PRDM1: variants seen among roughly 807,000 people sequenced by gnomAD.
PRDM1 encodes PR domain zinc finger protein 1.
In PRDM1, 13 loss-of-function variants were observed where a neutral mutation model predicts 62.8. That is an observed-to-expected ratio of 0.21 (90% CI 0.13 to 0.33). PRDM1 has a LOEUF of 0.33. Ranked by LOEUF, PRDM1 falls within the 10% of genes least tolerant of loss-of-function variation. PRDM1 has a pLI of 1.00. For synonymous variants in PRDM1, 396 were observed against 417.6 expected (o/e 0.95, Z 0.63); for missense variants, 895 against 1,058.8 (o/e 0.85, Z 2.15).
At chr6:106,040,731 T>C (rs1365137072) in intron 1 of PRDM1, among the ~76,000 whole-genome samples, 1 of 152,262 alleles carries the variant, frequency 6.6e-6, no homozygotes, top group African/African-American at 2.4e-5. Context: ...CCCTTTTCAA[T>C]GTTAACAACA....
chr6:105,994,047 G>T lies in PRDM1; in HGVS notation c.-67+408G>T, dbSNP rs9399964. 0.21 allele frequency among the ~76,000 whole-genome samples: 32,714 copies of T among 152,222 alleles called. 4,906 individuals carry two copies. The highest frequency in any genetic ancestry group is 0.44 in the East Asian group (2,292 of 5,178). On this transcript the variant is annotated intron_variant, in intron 1 of 6. Transcript: ENST00000652320. This position sits in a 1 kb window ranked among gnomAD's most constrained non-coding sequence, Gnocchi z 4.1. ...TAAGGTATTTATTTGTACGCTAGTT[G>T]AAGTGGGGCAGGAGCACTGATTCCT...
rs114723066 is a variant in PRDM1 at position 106,054,148 on chromosome 6, T to C, written c.-67+5434T>C. ...TGATGGTGTCATGAGGTAGCTGTCA[T>C]TATTTCATTGCAGCAGGGAAATAGA... On this transcript the variant is annotated intron_variant, in intron 1 of 6. Coordinates refer to the PRDM1 transcript ENST00000651185. Among the ~76,000 whole-genome samples the C allele has an allele frequency of 8.0e-3, 1,216 of 152,258 alleles. 19 individuals carry two copies. The highest frequency in any genetic ancestry group is 0.028 in the African/African-American group (1,173 of 41,544).
chr6:106,018,425 T>C (rs1248501200), intron 1 of PRDM1, among the ~76,000 whole-genome samples: 1 of 152,254 alleles, frequency 6.6e-6, no homozygotes, highest in African/African-American at 2.4e-5. Context: ...TGATGTGTTC[T>C]CATTAACTGA....
chr6:106,023,109 A>C (rs1772718500), intron 1 of PRDM1, among the ~76,000 whole-genome samples: 1 of 152,204 alleles, frequency 6.6e-6, no homozygotes, highest in South Asian at 2.1e-4. Context: ...TGGTGCTTTG[A>C]AATCTGGTAA....
intron 1 of PRDM1, among the ~76,000 whole-genome samples, chr6:106,049,715 C>G (rs1773141424): frequency 6.6e-6 from 1 of 152,228 alleles, no homozygotes; most frequent in East Asian, 1.9e-4. Context: ...CACACAGGTG[C>G]ATTGTACTAT....
At chr6:106,001,042 A>G (rs529824643) in intron 1 of PRDM1, among the ~76,000 whole-genome samples, 34 of 152,322 alleles carry the variant, frequency 2.2e-4, no homozygotes, top group South Asian at 1.2e-3. Context: ...TATTGTCACC[A>G]ACACTTTGAT....
rs1274298673 is a variant in PRDM1, at chr6:106,109,109, A to AG, written c.*1623_*1624insG. The AG allele has an allele frequency of 4.8e-6, 1 of 208,890 alleles. No homozygotes were observed. Among genetic ancestry groups the AG allele is most frequent in the Non-Finnish European group, 9.8e-6 (1 of 102,234 alleles). 12.9% of individuals were successfully genotyped at this position (208,890 alleles called of 1,614,324 possible). Reference sequence around the variant, plus strand: ...CTAAGGGCAAAAAAAAAAAAAAAAAAAAAAGAACACTCCTTTCTGAGACTT... The same window carrying AG: ...CTAAGGGCAAAAAAAAAAAAAAAAAAGAAAAGAACACTCCTTTCTGAGACTT... On this transcript the variant is annotated 3_prime_UTR_variant, in exon 7 of 7. Coordinates refer to ENST00000369096, the MANE Select transcript of PRDM1 (RefSeq NM_001198.4).
At chr6:106,069,396 G>C (rs145835083) in intron 1 of PRDM1, among the ~76,000 whole-genome samples, 1 of 152,030 alleles carries the variant, frequency 6.6e-6, no homozygotes, top group Non-Finnish European at 1.5e-5. Context: ...CCAAAGTGGC[G>C]TTAAGTGTTA....
In PRDM1 at chr6:106,107,514, C is replaced by G. The variant is rs1562176794; in HGVS notation, c.*28C>G. Reference sequence around the variant, plus strand: ...TTTTCAGAAAACACTTATTTTGTTTCTTAAGTTATGACTTGGTGAGTCAGG... The same window carrying G: ...TTTTCAGAAAACACTTATTTTGTTTGTTAAGTTATGACTTGGTGAGTCAGG... On this transcript the variant is annotated 3_prime_UTR_variant, in exon 7 of 7. Transcript: ENST00000369096. 6.4e-7 allele frequency: 1 copy of G among 1,559,696 alleles called. No homozygotes were observed. The highest frequency in any genetic ancestry group is 1.9e-5 in the Admixed American group (1 of 53,024).
chr6:106,071,394 T>C (rs58670852), intron 1 of PRDM1, among the ~76,000 whole-genome samples: 10,782 of 151,472 alleles, frequency 0.071, 524 homozygotes, highest in East Asian at 0.16. Flanking sequence ...TATATATATA[T>C]ACACACACAC....
At chr6:106,061,990 A>G (rs1180171848) in intron 1 of PRDM1, among the ~76,000 whole-genome samples, 1 of 152,228 alleles carries the variant, frequency 6.6e-6, no homozygotes, top group Non-Finnish European at 1.5e-5. Context: ...AAAGATGAAA[A>G]TAGCTGAAAA....
intron 1 of PRDM1, among the ~76,000 whole-genome samples, chr6:106,007,632 T>C (rs901208691): frequency 6.6e-6 from 1 of 152,206 alleles, no homozygotes; most frequent in African/African-American, 2.4e-5. Flanking sequence ...TTAAGACTTT[T>C]AAACAAAGCA....
chr6:106,093,967 T>C (rs929179261), intron 2 of PRDM1, among the ~76,000 whole-genome samples: 1 of 152,102 alleles, frequency 6.6e-6, no homozygotes, highest in African/African-American at 2.4e-5. Context: ...TAAATTGTTT[T>C]AGAAAAAAAA....
chr6:106,029,794 T>A (rs188699038), intron 1 of PRDM1, among the ~76,000 whole-genome samples: 1 of 152,022 alleles, frequency 6.6e-6, no homozygotes, highest in Non-Finnish European at 1.5e-5. Context: ...TTTGTTTGTA[T>A]CTTTTGTAGA....
chr6:106,105,250 G>C lies in PRDM1; in HGVS notation c.1090G>C (p.Gly364Arg). 1 of 1,613,694 alleles carries C rather than the reference G, an allele frequency of 6.2e-7. No individual in the cohort carries two copies. Among genetic ancestry groups the C allele is most frequent in the East Asian group, 2.2e-5 (1 of 44,862 alleles). The change falls in exon 5 of 7, where the codon GGC becomes CGC. Residue 364 changes from glycine (G) to arginine (R), a missense_variant. Transcript: ENST00000369096. ...CCCTGGGAATACGGTGTCCCCTGTG[G>C]GCCCCGGCTCTCAAGAGCACCGGGA... ...SSPGNTVSPV[G>R]PGSQEHRDSY...
At position 106,105,846 on chromosome 6, in the gene PRDM1, T is replaced by C. The variant is rs749584537; in HGVS notation, c.1686T>C (p.Leu562=). The change falls in exon 5 of 7, where the codon CTT becomes CTC. Residue 562 remains leucine (L), a synonymous_variant. Transcript: ENST00000369096. ...GAAACATGACCGGCTACAAGACCCT[T>C]CCCTACCCGCTGAAGAAGCAGAACG... ...NKRNMTGYKT[L]PYPLKKQNGK... 1.9e-6 allele frequency: 3 copies of C among 1,614,158 alleles called. No individual in the cohort carries two copies. In the South Asian group the frequency reaches 3.3e-5, roughly 18 times the overall value.
At chr6:106,051,059 T>A (rs2114583658) in intron 1 of PRDM1, among the ~76,000 whole-genome samples, 1 of 147,598 alleles carries the variant, frequency 6.8e-6, no homozygotes, top group South Asian at 2.2e-4. Flanking sequence ...ATAAAAAAAA[T>A]TACTAGAAAA....
At position 105,994,402 on chromosome 6, in the gene PRDM1, C is replaced by T. The variant is rs1378539770; in HGVS notation, c.-67+763C>T. 6.6e-6 allele frequency among the ~76,000 whole-genome samples: 1 copy of T among 152,012 alleles called. No homozygotes were observed. Among genetic ancestry groups the T allele is most frequent in the African/African-American group, 2.4e-5 (1 of 41,380 alleles). ...AAAAAAATACACCACTGCCACCCTA[C>T]AGCGACGCTTCCGCTGGAAGACGAG... On this transcript the variant is annotated intron_variant, in intron 1 of 6. Transcript: ENST00000652320. The surrounding 1 kb of genome is among the most constrained non-coding windows in gnomAD (Gnocchi z 4.1).
At chr6:106,032,289 G>T (rs1582432461) in intron 1 of PRDM1, among the ~76,000 whole-genome samples, 1 of 151,380 alleles carries the variant, frequency 6.6e-6, no homozygotes, top group African/African-American at 2.4e-5. Context: ...CTCCCCAGTA[G>T]TTGGGACTAG....
Sources: allele counts gnomAD v4.1 joint callset (sites outside exome capture counted in the v4.1 genomes callset), GRCh38; gene constraint gnomAD v4.1.1; non-coding constraint Gnocchi (gnomAD v3.1); transcripts MANE v1.5; gene names NCBI Gene and HGNC (gene_info 2026-07-23, HGNC 2026-07-21).